The following GNG7 variants were observed in gnomAD, a reference collection of about 807,000 sequenced individuals.
The protein encoded by GNG7 is guanine nucleotide-binding protein G(I)/G(S)/G(O) subunit gamma-7.
Under a neutral mutation model 4.0 loss-of-function variants are expected in GNG7, and 1 was observed. The observed-to-expected ratio is 0.25, with a 90% CI of 0.09 to 1.18. GNG7 has a LOEUF of 1.18. Among genes scored for constraint, GNG7 ranks in the 50% most tolerant of loss-of-function variants. The pLI is 0.50. For missense variants in GNG7, 86 were observed against 91.9 expected (o/e 0.94, Z 0.26); for synonymous variants, 34 against 36.9 (o/e 0.92, Z 0.29).
At chr19:2,551,465 A>G (rs890188296) in intron 3 of GNG7, among the ~76,000 whole-genome samples, 1 of 151,400 alleles carries the variant, frequency 6.6e-6, no homozygotes, top group Admixed American at 6.6e-5. Context: ...AATCTAGGGA[A>G]CGCCAAAAAG....
At chr19:2,608,253 G>C (rs1981452983) in intron 2 of GNG7, among the ~76,000 whole-genome samples, 1 of 151,900 alleles carries the variant, frequency 6.6e-6, no homozygotes, top group African/African-American at 2.4e-5. Context: ...GGAGCAGAAA[G>C]ACCGAAACGC....
At chr19:2,640,595 C>A (rs575687017) in intron 2 of GNG7, among the ~76,000 whole-genome samples, 2 of 152,156 alleles carry the variant, frequency 1.3e-5, no homozygotes, top group African/African-American at 4.8e-5. Flanking sequence ...AGGGGCTTGG[C>A]CTTCTTTGTA....
intron 2 of GNG7, among the ~76,000 whole-genome samples, chr19:2,568,524 C>T (rs1479202431): frequency 6.6e-6 from 1 of 151,366 alleles, no homozygotes; most frequent in African/African-American, 2.4e-5. Flanking sequence ...TGCACATACA[C>T]GTGCACATAT....
chr19:2,560,485 C>T (rs1425747026), intron 2 of GNG7, among the ~76,000 whole-genome samples: 2 of 152,120 alleles, frequency 1.3e-5, no homozygotes, highest in East Asian at 3.9e-4. Flanking sequence ...GTGATTCTCA[C>T]CTGGGAGTGG....
At chr19:2,641,986 CA>C (rs1382144192) in intron 2 of GNG7, 1 of 152,310 alleles carries the variant, frequency 6.6e-6, no homozygotes, top group African/African-American at 2.4e-5. Context: ...TTCTGAGCTT[CA>C]GCGCTGTCAG....
intron 2 of GNG7, among the ~76,000 whole-genome samples, chr19:2,644,662 C>T (rs1271031526): frequency 6.6e-6 from 1 of 152,038 alleles, no homozygotes; most frequent in Non-Finnish European, 1.5e-5. Flanking sequence ...CCACGCATCC[C>T]CTCCCTGCCT....
intron 4 of GNG7, 91 bp downstream of exon 4, chr19:2,520,517 A>G (rs1978302255): frequency 1.4e-6 from 1 of 703,086 alleles, no homozygotes; most frequent in African/African-American, 1.7e-5. Flanking sequence ...TTGGGGTGCA[A>G]GCCTCTGCCC....
intron 2 of GNG7, among the ~76,000 whole-genome samples, chr19:2,640,945 C>A (rs531417516): frequency 6.6e-6 from 1 of 152,270 alleles, no homozygotes; most frequent in East Asian, 1.9e-4. Flanking sequence ...CAAGTTCTGA[C>A]GTCAATCAGG....
intron 2 of GNG7, among the ~76,000 whole-genome samples, chr19:2,624,216 A>T (rs775044594): frequency 3.3e-4 from 50 of 152,108 alleles, no homozygotes; most frequent in Middle Eastern, 3.4e-3. Flanking sequence ...TATGTTTCAT[A>T]TATTTTACCA....
chr19:2,558,529 G>A (rs1157727346), intron 2 of GNG7, among the ~76,000 whole-genome samples: 2 of 151,874 alleles, frequency 1.3e-5, no homozygotes, highest in South Asian at 2.1e-4. Context: ...CACTGCACCC[G>A]GCCAGCAAAA....
chr19:2,547,761 T>C (rs1979176381), intron 3 of GNG7, among the ~76,000 whole-genome samples: 1 of 152,210 alleles, frequency 6.6e-6, no homozygotes, highest in South Asian at 2.1e-4. Flanking sequence ...TGTTACTTCC[T>C]GGAACCCACT....
Position 2,598,152 on chromosome 19 carries a change from C to T in GNG7, c.-77-42964G>A, listed in dbSNP as rs1453751442. Among the ~76,000 whole-genome samples, 5 of 152,114 alleles carry T rather than the reference C, an allele frequency of 3.3e-5. No individual in the cohort carries two copies. In the South Asian group the frequency reaches 6.2e-4, roughly 19 times the overall value. On this transcript the variant is annotated intron_variant, in intron 2 of 4. Coordinates refer to ENST00000382159, the MANE Select transcript of GNG7 (RefSeq NM_052847.3). ...GAATCCAGCTCTCACGGCGACTCTACGCTGCATGCTTGTTACTCTACTACA... is the reference window on the plus strand; with the variant it reads ...GAATCCAGCTCTCACGGCGACTCTATGCTGCATGCTTGTTACTCTACTACA...
Position 2,513,924 on chromosome 19 carries a change from C to G in GNG7, c.*1098G>C, listed in dbSNP as rs1030766455. On this transcript the variant is annotated 3_prime_UTR_variant, in exon 5 of 5. Coordinates refer to ENST00000382159, the MANE Select transcript of GNG7 (RefSeq NM_052847.3). ...TGCCTCATGCTTAAAACACACTGGG[C>G]GCGGTGGCTCATGCCTGTAATCCCA... 6.6e-6 allele frequency: 1 copy of G among 152,358 alleles called. No homozygotes were observed. Among genetic ancestry groups the G allele is most frequent in the South Asian group, 2.1e-4 (1 of 4,824 alleles). 9.4% of individuals were successfully genotyped at this position (152,358 alleles called of 1,614,324 possible).
At chr19:2,523,588 C>T (rs1401270622) in intron 3 of GNG7, among the ~76,000 whole-genome samples, 1 of 152,076 alleles carries the variant, frequency 6.6e-6, no homozygotes, top group Non-Finnish European at 1.5e-5. Flanking sequence ...GATGAATCCA[C>T]AAGCCTACAT....
chr19:2,602,777 T>C (rs1187235924), intron 2 of GNG7, among the ~76,000 whole-genome samples: 1 of 152,168 alleles, frequency 6.6e-6, no homozygotes, highest in Admixed American at 6.5e-5. Flanking sequence ...CCCTTTTCCT[T>C]CAATCAGAAT....
At chr19:2,538,631 T>A in intron 3 of GNG7, 1 of 437,900 alleles carries the variant, frequency 2.3e-6, no homozygotes, top group South Asian at 1.7e-5. Flanking sequence ...ACCCTGTCTT[T>A]AAAAAAACAC....
chr19:2,527,452 C>G (rs1164335079), intron 3 of GNG7, among the ~76,000 whole-genome samples: 1 of 152,206 alleles, frequency 6.6e-6, no homozygotes, highest in Non-Finnish European at 1.5e-5. Context: ...GAACCTGTCC[C>G]CACTGGGAGG....
chr19:2,645,919 A>G (rs983685472), intron 2 of GNG7, among the ~76,000 whole-genome samples: 1 of 152,164 alleles, frequency 6.6e-6, no homozygotes, highest in African/African-American at 2.4e-5. Context: ...CATGGCACGA[A>G]GACACCGGAA....
Position 2,634,271 on chromosome 19 carries a change from C to T in GNG7, c.-78+11953G>A, listed in dbSNP as rs1248767171. On this transcript the variant is annotated intron_variant, in intron 2 of 4. Transcript: ENST00000382159. This position sits in a 1 kb window ranked among gnomAD's most constrained non-coding sequence, Gnocchi z 5.3. ...GCCCGATTGTTCTCTGGGGTGGGGC[C>T]GTCCTGGGCACTGCGGGGTGCTGAG... 6.6e-6 allele frequency among the ~76,000 whole-genome samples: 1 copy of T among 152,010 alleles called. No homozygotes were observed. The highest frequency in any genetic ancestry group is 1.9e-4 in the East Asian group (1 of 5,148).
Sources: allele counts gnomAD v4.1 joint callset (sites outside exome capture counted in the v4.1 genomes callset), GRCh38; gene constraint gnomAD v4.1.1; non-coding constraint Gnocchi (gnomAD v3.1); transcripts MANE v1.5; gene names NCBI Gene and HGNC (gene_info 2026-07-23, HGNC 2026-07-21).